The following CSMD1 variants were observed in gnomAD, a reference collection of about 807,000 sequenced individuals.
CSMD1 encodes the protein CUB and Sushi multiple domains 1, also known as CUB and sushi domain-containing protein 1.
Under a neutral mutation model 417.5 loss-of-function variants are expected in CSMD1, and 213 were observed. That is an observed-to-expected ratio of 0.51 (90% CI 0.46 to 0.57). The LOEUF (loss-of-function observed/expected upper bound fraction) is 0.57, where lower values mean the gene tolerates loss of function less well. CSMD1 is among the 20% of genes least tolerant of loss of function. The pLI, the probability that CSMD1 is intolerant of heterozygous loss-of-function variation, is 0.00. For synonymous variants in CSMD1, 2,862 were observed against 1,736.8 expected, an observed-to-expected ratio of 1.65 and a Z score of -16.11; for missense variants, 6,923 against 4,529.7, an observed-to-expected ratio of 1.53 and a Z score of -15.17.
chr8:4,263,799 C>T (rs1804050124), intron 3 of CSMD1, among the ~76,000 whole-genome samples: 1 of 152,144 alleles, frequency 6.6e-6, no homozygotes, highest in Admixed American at 6.6e-5. Flanking sequence ...GTGACTGGCT[C>T]ACCTAAATTA....
chr8:3,824,250 A>G (rs749874855), intron 5 of CSMD1, among the ~76,000 whole-genome samples: 46 of 149,896 alleles, frequency 3.1e-4, no homozygotes, highest in Non-Finnish European at 5.6e-4. Flanking sequence ...AAAAACAAAA[A>G]CCAAAAAAAA....
rs35534326 is a variant in CSMD1, at chr8:3,090,316, C to CAAAAA, written c.7285+1195_7285+1199dup. Among the ~76,000 whole-genome samples, 352 of 79,792 alleles carry CAAAAA rather than the reference C, an allele frequency of 4.4e-3. 16 individuals carry two copies. Among genetic ancestry groups the CAAAAA allele is most frequent in the African/African-American group, 6.1e-3 (132 of 21,788 alleles). The allele number at this position is 79,792 out of a possible 152,430, so 52.3% of individuals were successfully genotyped here. ...TGGGCAACAGAGCCAGACTGTATTT[C>CAAAAA]AAAAAAAAAAAAAAAAAAAAAAAAA... On this transcript the variant is annotated intron_variant, in intron 48 of 69. Coordinates refer to ENST00000635120, the MANE Select transcript of CSMD1 (RefSeq NM_033225.6).
intron 3 of CSMD1, among the ~76,000 whole-genome samples, chr8:4,064,716 T>C (rs1799155318): frequency 6.6e-6 from 1 of 152,198 alleles, no homozygotes; most frequent in African/African-American, 2.4e-5. Flanking sequence ...ACCCCCAGTA[T>C]CCGTACTCAA....
At chr8:3,846,007 T>A (rs1425251328) in intron 5 of CSMD1, among the ~76,000 whole-genome samples, 1 of 152,004 alleles carries the variant, frequency 6.6e-6, no homozygotes, top group Non-Finnish European at 1.5e-5. Flanking sequence ...ATGAGAACAA[T>A]GCCTTCTGGA....
chr8:4,219,166 C>G (rs1800868659), intron 3 of CSMD1, among the ~76,000 whole-genome samples: 1 of 152,154 alleles, frequency 6.6e-6, no homozygotes, highest in African/African-American at 2.4e-5. Context: ...GTGTTGTGTT[C>G]CCATCTCCCC....
At chr8:4,478,944 G>A (rs1170762475) in intron 2 of CSMD1, among the ~76,000 whole-genome samples, 2 of 152,192 alleles carry the variant, frequency 1.3e-5, no homozygotes, top group South Asian at 4.1e-4. Context: ...TTAATTCACG[G>A]AAATTTTCTC....
intron 4 of CSMD1, among the ~76,000 whole-genome samples, chr8:4,007,146 T>C (rs912627195): frequency 1.3e-5 from 2 of 152,136 alleles, no homozygotes; most frequent in African/African-American, 4.8e-5. Flanking sequence ...CCACGACTTT[T>C]ACTATTTCTC....
Position 4,884,873 on chromosome 8 carries a change from T to A in CSMD1, c.85+109459A>T, listed in dbSNP as rs184074929. Among the ~76,000 whole-genome samples the A allele has an allele frequency of 4.5e-3, 679 of 152,204 alleles. 4 individuals carry two copies. Among genetic ancestry groups the A allele is most frequent in the Non-Finnish European group, 7.0e-3 (479 of 67,984 alleles). On this transcript the variant is annotated intron_variant, in intron 1 of 69. Transcript: ENST00000635120. ...TTCTCTTGAATTTCAACATAAATTT[T>A]AGGGTCAGCTTATCAATTTTTGCAA...
chr8:3,804,436 T>C (rs1800620673), intron 5 of CSMD1, among the ~76,000 whole-genome samples: 1 of 152,170 alleles, frequency 6.6e-6, no homozygotes, highest in Non-Finnish European at 1.5e-5. Context: ...AAAAATACTA[T>C]TTTTCTAAAT....
chr8:4,749,007 G>C (rs746775350), intron 1 of CSMD1, among the ~76,000 whole-genome samples: 66 of 152,246 alleles, frequency 4.3e-4, no homozygotes, highest in Non-Finnish European at 2.2e-4. Flanking sequence ...TTTTCCCTTT[G>C]TCACGGTGAC....
intron 1 of CSMD1, among the ~76,000 whole-genome samples, chr8:4,965,789 A>C (rs1809818789): frequency 6.6e-6 from 1 of 152,176 alleles, no homozygotes; most frequent in African/African-American, 2.4e-5. Context: ...ATTCAATCTA[A>C]TTTTATGAGC....
In CSMD1 at chr8:4,962,329, G is replaced by A. The variant is rs377429653; in HGVS notation, c.85+32003C>T. Among the ~76,000 whole-genome samples, 11 of 152,082 alleles carry A rather than the reference G, an allele frequency of 7.2e-5. No individual in the cohort carries two copies. The South Asian group carries it at 2.3e-3, about 32-fold the overall frequency. ...GGTCTCAAAAGAGCTTCCCATCTTTGCCTCCCAATTAGCTAGGACTACAGG... is the reference window on the plus strand; with the variant it reads ...GGTCTCAAAAGAGCTTCCCATCTTTACCTCCCAATTAGCTAGGACTACAGG... On this transcript the variant is annotated intron_variant, in intron 1 of 69. Coordinates refer to ENST00000635120, the MANE Select transcript of CSMD1 (RefSeq NM_033225.6).
chr8:4,620,448 G>C (rs969941771), intron 2 of CSMD1, among the ~76,000 whole-genome samples: 2 of 151,456 alleles, frequency 1.3e-5, no homozygotes, highest in Non-Finnish European at 3.0e-5. Flanking sequence ...AATAATCATA[G>C]ATAACGCTTT....
chr8:3,712,077 GTATT>G (rs988078880), intron 6 of CSMD1, among the ~76,000 whole-genome samples: 2 of 152,140 alleles, frequency 1.3e-5, no homozygotes, highest in Admixed American at 1.3e-4. Flanking sequence ...GGGAATATAT[GTATT>G]TATTTATTAT....
chr8:4,459,909 A>C (rs979575085), intron 2 of CSMD1, among the ~76,000 whole-genome samples: 1 of 152,214 alleles, frequency 6.6e-6, no homozygotes. Flanking sequence ...CATGCCAAAT[A>C]AACAATCAAA....
At chr8:4,943,517 AT>A (rs1256613480) in intron 1 of CSMD1, among the ~76,000 whole-genome samples, 2 of 103,748 alleles carry the variant, frequency 1.9e-5, no homozygotes, top group Non-Finnish European at 4.4e-5. Flanking sequence ...ATGAAATAAA[AT>A]AAAATAAAAT....
chr8:4,446,091 C>G, intron 2 of CSMD1, among the ~76,000 whole-genome samples: 1 of 152,290 alleles, frequency 6.6e-6, no homozygotes, highest in Middle Eastern at 3.4e-3. Flanking sequence ...GCTCCGTGTT[C>G]ACTGTAGACA....
chr8:3,149,816 C>G (rs900808589), intron 40 of CSMD1, among the ~76,000 whole-genome samples: 1 of 152,078 alleles, frequency 6.6e-6, no homozygotes, highest in Non-Finnish European at 1.5e-5. Context: ...AACTGGAGCC[C>G]CTGTGCCTTA....
chr8:3,293,415 G>T (rs906186828), intron 25 of CSMD1, among the ~76,000 whole-genome samples: 16 of 152,208 alleles, frequency 1.1e-4, no homozygotes, highest in African/African-American at 3.9e-4. Flanking sequence ...ATATCCTGCA[G>T]AGTGTTTTCC....
Sources: gnomAD v4.1 joint callset for allele counts (sites outside exome capture counted in the v4.1 genomes callset) on GRCh38, gnomAD v4.1.1 for gene constraint, MANE v1.5 for transcripts, NCBI Gene and HGNC (gene_info 2026-07-23, HGNC 2026-07-21) for gene names.